The following CHN1 variants were observed in gnomAD, a reference collection of about 807,000 sequenced individuals.
The protein encoded by CHN1 is N-chimaerin.
CHN1 carries 37 observed loss-of-function variants against 59.5 expected under a neutral mutation model. That is an observed-to-expected ratio of 0.62 (90% CI 0.48 to 0.82). The LOEUF is 0.82. Among genes scored for constraint, CHN1 ranks in the 40% least tolerant of loss-of-function variants. CHN1 has a pLI of 0.00. For missense variants in CHN1, 469 were observed against 571.0 expected, an observed-to-expected ratio of 0.82 and a Z score of 1.82; for synonymous variants, 206 against 200.4, an observed-to-expected ratio of 1.03 and a Z score of -0.24.
At chr2:174,964,093 G>T (rs1690513758) in intron 1 of CHN1, among the ~76,000 whole-genome samples, 1 of 152,162 alleles carries the variant, frequency 6.6e-6, no homozygotes, top group South Asian at 2.1e-4. Flanking sequence ...ATATGTATGT[G>T]CATGTGTACA....
intron 11 of CHN1, among the ~76,000 whole-genome samples, chr2:174,807,344 G>A (rs1684916327): frequency 6.6e-6 from 1 of 152,144 alleles, no homozygotes; most frequent in South Asian, 2.1e-4. Flanking sequence ...ATAGAGCCAA[G>A]CTTCAGTTTT....
intron 1 of CHN1, among the ~76,000 whole-genome samples, chr2:174,991,780 G>A (rs1430009464): frequency 6.6e-6 from 1 of 152,116 alleles, no homozygotes; most frequent in Non-Finnish European, 1.5e-5. Context: ...TTTCTACCCT[G>A]GAAATTGTTA....
intron 1 of CHN1, among the ~76,000 whole-genome samples, chr2:174,997,427 G>A (rs1691743219): frequency 6.6e-6 from 1 of 151,784 alleles, no homozygotes; most frequent in South Asian, 2.1e-4. Context: ...ACTACTTTAA[G>A]ACTGTTCATC....
At chr2:174,981,201 T>C (rs1350767760) in intron 1 of CHN1, among the ~76,000 whole-genome samples, 1 of 152,204 alleles carries the variant, frequency 6.6e-6, no homozygotes, top group Admixed American at 6.5e-5. Context: ...TCTTTGTATA[T>C]TTATAAAAAT....
At chr2:174,993,524 A>T (rs1442526730) in intron 1 of CHN1, among the ~76,000 whole-genome samples, 1 of 152,108 alleles carries the variant, frequency 6.6e-6, no homozygotes, top group Non-Finnish European at 1.5e-5. Context: ...TAGAAAGTGG[A>T]AGGGGAGCAT....
At chr2:174,963,366 C>T (rs1438226186) in intron 1 of CHN1, among the ~76,000 whole-genome samples, 2 of 152,166 alleles carry the variant, frequency 1.3e-5, no homozygotes, top group Admixed American at 6.5e-5. Flanking sequence ...GAAGGAATCA[C>T]TTTTGGCCAG....
rs1022048138 is a variant in CHN1, at chr2:174,995,524, C to T, written c.19+9370G>A. ...ATGCAACTGCTCCACCTCAGATCAA[C>T]AGGCATTAGATTGTCATAAGGAGTG... On this transcript the variant is annotated intron_variant, in intron 1 of 12. Coordinates refer to ENST00000409900, the MANE Select transcript of CHN1 (RefSeq NM_001822.7). 5.3e-5 allele frequency among the ~76,000 whole-genome samples: 8 copies of T among 152,322 alleles called. No individual in the cohort carries two copies. In the South Asian group the frequency reaches 1.2e-3, roughly 24 times the overall value.
rs200043744 is a variant in CHN1, at chr2:174,878,113, G to A, written c.276C>T (p.Thr92=). The change falls in exon 6 of 13, where the codon ACC becomes ACT. Residue 92 remains threonine (T), a synonymous_variant. Coordinates refer to ENST00000409900, the MANE Select transcript of CHN1 (RefSeq NM_001822.7). ...CATCGTAGTAGAGCCTGAAGTTTCT[G>A]GTTTGACTTCCAAATCTGCCTCAAT... ...YTLALRFGSQ[T]RNFRLYYDGK... 2.6e-6 allele frequency: 4 copies of A among 1,525,850 alleles called. No individual in the cohort carries two copies. The highest frequency in any genetic ancestry group is 3.5e-6 in the Non-Finnish European group (4 of 1,127,906). The allele number at this position is 1,525,850 out of a possible 1,614,324, so 94.5% of individuals were successfully genotyped here.
At chr2:174,804,700 T>G (rs949311646) in intron 11 of CHN1, among the ~76,000 whole-genome samples, 2 of 152,118 alleles carry the variant, frequency 1.3e-5, no homozygotes, top group African/African-American at 4.8e-5. Flanking sequence ...ATGATCCAGG[T>G]TTTTGGCTTC....
intron 5 of CHN1, among the ~76,000 whole-genome samples, chr2:174,892,830 C>T (rs1248399080): frequency 2.0e-5 from 3 of 152,104 alleles, no homozygotes; most frequent in Admixed American, 6.6e-5. Flanking sequence ...AAATGTAATA[C>T]ACTACATTGA....
chr2:174,920,938 C>G, intron 3 of CHN1: 1 of 427,798 alleles, frequency 2.3e-6, no homozygotes, highest in South Asian at 1.7e-5. Flanking sequence ...GAGACAGTGA[C>G]AGATCATCAA....
chr2:174,837,853 G>C (rs1004069268), intron 7 of CHN1, among the ~76,000 whole-genome samples: 23 of 151,990 alleles, frequency 1.5e-4, no homozygotes, highest in Admixed American at 5.2e-4. Context: ...ACTTCCTTTG[G>C]TGTATATACA....
At chr2:174,932,222 G>T (rs1018512727) in intron 3 of CHN1, among the ~76,000 whole-genome samples, 8 of 152,178 alleles carry the variant, frequency 5.3e-5, no homozygotes, top group African/African-American at 1.9e-4. Context: ...CACAACAGAA[G>T]TTTATTTCTC....
intron 1 of CHN1, among the ~76,000 whole-genome samples, chr2:174,990,223 T>C (rs1691491022): frequency 1.4e-5 from 2 of 148,018 alleles, no homozygotes; most frequent in African/African-American, 2.5e-5. Flanking sequence ...GGTGTGTGTG[T>C]GTGGTGTGTC....
At chr2:174,995,702 C>A (rs1180218746) in intron 1 of CHN1, among the ~76,000 whole-genome samples, 1 of 152,178 alleles carries the variant, frequency 6.6e-6, no homozygotes, top group African/African-American at 2.4e-5. Context: ...TCCTAAAAGG[C>A]CACCAACCAG....
chr2:174,801,940 C>A, intron 11 of CHN1, 128 bp from the exon 12 acceptor site: 1 of 694,982 alleles, frequency 1.4e-6, no homozygotes, highest in South Asian at 1.6e-5. Flanking sequence ...AATTCCTTGT[C>A]CACAGCTTTG....
chr2:174,822,350 C>T (rs1176248349), intron 8 of CHN1, among the ~76,000 whole-genome samples: 1 of 152,128 alleles, frequency 6.6e-6, no homozygotes, highest in Admixed American at 6.5e-5. Context: ...TTTCTCCTTT[C>T]CCCCATATTA....
chr2:174,812,650 T>C (rs1230118423), intron 8 of CHN1, among the ~76,000 whole-genome samples, 168 bp from the exon 9 acceptor site: 1 of 152,182 alleles, frequency 6.6e-6, no homozygotes, highest in African/African-American at 2.4e-5. Flanking sequence ...ATCTTTTCTC[T>C]TGGAACAATT....
At chr2:174,945,060 T>C in intron 2 of CHN1, 117 bp from the exon 3 acceptor site, 1 of 698,042 alleles carries the variant, frequency 1.4e-6, no homozygotes, top group South Asian at 2.0e-5. Context: ...TAACCTTATT[T>C]ACTAAATTGT....
Sources: allele counts gnomAD v4.1 joint callset (sites outside exome capture counted in the v4.1 genomes callset), GRCh38; gene constraint gnomAD v4.1.1; transcripts MANE v1.5; gene names NCBI Gene and HGNC (gene_info 2026-07-23, HGNC 2026-07-21).